Variants in HS6ST3 observed in about 807,000 individuals in gnomAD.
HS6ST3 encodes the protein heparan-sulfate 6-O-sulfotransferase 3.
In HS6ST3, 12 loss-of-function variants were observed where a neutral mutation model predicts 36.7. The observed-to-expected ratio is 0.33, with a 90% CI of 0.21 to 0.53. HS6ST3 has a LOEUF of 0.53. Among genes scored for constraint, HS6ST3 ranks in the 20% least tolerant of loss-of-function variants. The pLI, the probability that HS6ST3 is intolerant of heterozygous loss-of-function variation, is 0.95. For synonymous variants in HS6ST3, 240 were observed against 257.5 expected (o/e 0.93, Z 0.65); for missense variants, 584 against 640.9 (o/e 0.91, Z 0.96).
At chr13:96,104,544 T>G (rs1318166685) in intron 1 of HS6ST3, among the ~76,000 whole-genome samples, 2 of 152,202 alleles carry the variant, frequency 1.3e-5, no homozygotes, top group African/African-American at 4.8e-5. Context: ...TGACTCACCT[T>G]CCAGCACACT....
chr13:96,607,046 A>G (rs2056441666), intron 1 of HS6ST3, among the ~76,000 whole-genome samples: 1 of 152,214 alleles, frequency 6.6e-6, no homozygotes, highest in Non-Finnish European at 1.5e-5. Flanking sequence ...AAACACTAAT[A>G]TGAAAATTCA....
intron 1 of HS6ST3, among the ~76,000 whole-genome samples, chr13:96,142,128 A>C (rs1163789682): frequency 6.6e-6 from 1 of 151,764 alleles, no homozygotes; most frequent in African/African-American, 2.4e-5. Flanking sequence ...AGGGTCAAAT[A>C]TATTTTGAGC....
chr13:96,450,412 A>G (rs2055721805), intron 1 of HS6ST3, among the ~76,000 whole-genome samples: 1 of 152,192 alleles, frequency 6.6e-6, no homozygotes, highest in African/African-American at 2.4e-5. Flanking sequence ...TTGACTTTTT[A>G]TAGAATTATT....
intron 1 of HS6ST3, among the ~76,000 whole-genome samples, chr13:96,326,789 C>A (rs569664569): frequency 1.3e-5 from 2 of 151,834 alleles, no homozygotes; most frequent in East Asian, 1.9e-4. Context: ...GTTTACAGTC[C>A]CACCAACAGT....
intron 1 of HS6ST3, among the ~76,000 whole-genome samples, chr13:96,687,543 A>T (rs936941804): frequency 1.3e-5 from 2 of 152,036 alleles, no homozygotes; most frequent in Non-Finnish European, 2.9e-5. Flanking sequence ...AAATGATTAC[A>T]TATTTCCAAC....
chr13:96,299,390 A>G (rs910617557), intron 1 of HS6ST3, among the ~76,000 whole-genome samples: 2 of 152,126 alleles, frequency 1.3e-5, no homozygotes, highest in Non-Finnish European at 2.9e-5. Flanking sequence ...GAACTTCTAG[A>G]TGTAGTACTT....
chr13:96,662,395 G>A (rs2056649311), intron 1 of HS6ST3, among the ~76,000 whole-genome samples: 1 of 151,932 alleles, frequency 6.6e-6, no homozygotes, highest in South Asian at 2.1e-4. Flanking sequence ...CTAGTCTATT[G>A]TTGAAGCTTT....
intron 1 of HS6ST3, among the ~76,000 whole-genome samples, chr13:96,145,958 A>G (rs1328447515): frequency 1.1e-4 from 16 of 152,258 alleles, no homozygotes; most frequent in Non-Finnish European, 2.1e-4. Flanking sequence ...AAGATCAGAT[A>G]GTTGTAGATA....
At chr13:96,411,762 T>C (rs1374939097) in intron 1 of HS6ST3, among the ~76,000 whole-genome samples, 7 of 152,058 alleles carry the variant, frequency 4.6e-5, no homozygotes, top group African/African-American at 1.4e-4. Flanking sequence ...ACAAAGGAAG[T>C]GTCAATGAGG....
intron 1 of HS6ST3, among the ~76,000 whole-genome samples, chr13:96,829,667 T>C (rs1594870039): frequency 6.6e-6 from 1 of 152,334 alleles, no homozygotes; most frequent in South Asian, 2.1e-4. Context: ...ATCTCATTCT[T>C]TTTTATGGAT....
chr13:96,768,030 A>G (rs1352132825), intron 1 of HS6ST3, among the ~76,000 whole-genome samples: 4 of 152,220 alleles, frequency 2.6e-5, no homozygotes, highest in South Asian at 2.1e-4. Context: ...AACTGGAAAG[A>G]AAAGCATCCC....
In HS6ST3 at chr13:96,687,036, T is replaced by C. The variant is rs116892922; in HGVS notation, c.708-145454T>C. The stretch of plus-strand genomic sequence containing the variant: ...TTCCTCAGGGCCTCTTTTCTCCTTT[T>C]TGTTAAAGAAACACTGAGCAAATAC... On this transcript the variant is annotated intron_variant, in intron 1 of 1. Transcript: ENST00000376705. Among the ~76,000 whole-genome samples, 605 of 152,134 alleles carry C rather than the reference T, an allele frequency of 4.0e-3. 3 individuals carry two copies. Among genetic ancestry groups the C allele is most frequent in the Non-Finnish European group, 7.4e-3 (506 of 67,946 alleles).
chr13:96,135,336 C>G (rs2053996418), intron 1 of HS6ST3, among the ~76,000 whole-genome samples: 1 of 152,148 alleles, frequency 6.6e-6, no homozygotes, highest in Non-Finnish European at 1.5e-5. Flanking sequence ...AAAAGTAGAA[C>G]TCTACTGCTC....
intron 1 of HS6ST3, among the ~76,000 whole-genome samples, chr13:96,741,036 A>G (rs1398499849): frequency 6.6e-6 from 1 of 152,226 alleles, no homozygotes; most frequent in Non-Finnish European, 1.5e-5. Flanking sequence ...ACTGAAATAT[A>G]AACCCACGAG....
intron 1 of HS6ST3, among the ~76,000 whole-genome samples, chr13:96,208,211 A>G (rs978797190): frequency 6.6e-6 from 1 of 152,148 alleles, no homozygotes; most frequent in Non-Finnish European, 1.5e-5. Flanking sequence ...CATGATCAAT[A>G]TATTGGTCTT....
At chr13:96,472,543 C>A (rs1195196144) in intron 1 of HS6ST3, among the ~76,000 whole-genome samples, 1 of 152,172 alleles carries the variant, frequency 6.6e-6, no homozygotes, top group African/African-American at 2.4e-5. Flanking sequence ...CGATGCCCTC[C>A]TCTGTGCTTC....
At chr13:96,344,564 T>C (rs1399429458) in intron 1 of HS6ST3, among the ~76,000 whole-genome samples, 1 of 152,228 alleles carries the variant, frequency 6.6e-6, no homozygotes, top group Admixed American at 6.5e-5. Flanking sequence ...TGATTGGTCA[T>C]TTTTTGAACC....
intron 1 of HS6ST3, among the ~76,000 whole-genome samples, chr13:96,243,471 T>G (rs1486693801): frequency 2.0e-5 from 3 of 152,204 alleles, no homozygotes. Context: ...AACTTTTTGT[T>G]AAACCACCTT....
chr13:96,476,951 A>C (rs770490601), intron 1 of HS6ST3, among the ~76,000 whole-genome samples: 4 of 152,356 alleles, frequency 2.6e-5, no homozygotes, highest in Non-Finnish European at 4.4e-5. Flanking sequence ...GAATTTCCTG[A>C]AAGTCAAGAC....
Sources: allele counts gnomAD v4.1 joint callset (sites outside exome capture counted in the v4.1 genomes callset), GRCh38; gene constraint gnomAD v4.1.1; transcripts MANE v1.5; gene names NCBI Gene and HGNC (gene_info 2026-07-23, HGNC 2026-07-21).